Variants in DOCK4 observed in about 807,000 individuals in gnomAD.
DOCK4 encodes dedicator of cytokinesis 4.
DOCK4 carries 97 observed loss-of-function variants against 268.1 expected under a neutral mutation model. The observed-to-expected ratio is 0.36, with a 90% CI of 0.31 to 0.43. DOCK4 has a LOEUF of 0.43. Ranked by LOEUF, DOCK4 falls within the 20% of genes least tolerant of loss-of-function variation. The pLI is 1.00. For synonymous variants in DOCK4, 954 were observed against 887.2 expected (o/e 1.08, Z -1.34); for missense variants, 2,145 against 2,455.7 (o/e 0.87, Z 2.67).
chr7:111,736,206 C>G (rs1002058784), intron 50 of DOCK4, among the ~76,000 whole-genome samples: 1 of 152,200 alleles, frequency 6.6e-6, no homozygotes. Flanking sequence ...CTTTCCCAGA[C>G]TATTTCATTA....
At chr7:111,869,535 C>G in intron 21 of DOCK4, 39 bp downstream of exon 21, 1 of 1,594,834 alleles carries the variant, frequency 6.3e-7, no homozygotes, top group Non-Finnish European at 8.6e-7. Context: ...CATGCAACAG[C>G]TTTGTTAGAC....
At chr7:111,909,080 G>A (rs1467594436) in intron 13 of DOCK4, among the ~76,000 whole-genome samples, 1 of 152,146 alleles carries the variant, frequency 6.6e-6, no homozygotes. Context: ...GATCCTTGAA[G>A]AATCGCCACA....
intron 1 of DOCK4, among the ~76,000 whole-genome samples, chr7:112,175,939 A>T (rs1420145384): frequency 1.3e-5 from 2 of 152,220 alleles, no homozygotes; most frequent in East Asian, 3.8e-4. Context: ...AAAAAATCTC[A>T]GGGTGATCTA....
chr7:111,926,598 A>T (rs1177948452), intron 12 of DOCK4, among the ~76,000 whole-genome samples: 3 of 150,482 alleles, frequency 2.0e-5, no homozygotes, highest in Non-Finnish European at 2.9e-5. Flanking sequence ...CAAGGTGGGC[A>T]GATCACGAGG....
chr7:111,830,291 T>C lies in DOCK4; in HGVS notation c.2835+4297A>G, dbSNP rs148248741. Among the ~76,000 whole-genome samples, 391 of 152,208 alleles carry C rather than the reference T, an allele frequency of 2.6e-3. 5 individuals are homozygous for C. Among genetic ancestry groups the C allele is most frequent in the South Asian group, 0.022 (107 of 4,824 alleles). The stretch of plus-strand genomic sequence containing the variant: ...AATACAAAAAATCCGCCGGGCGTGG[T>C]GGCGCGTGCCTGTAGTCCCAGCTAC... On this transcript the variant is annotated intron_variant, in intron 26 of 52. Transcript: ENST00000428084.
chr7:112,058,034 T>A (rs1806002339), intron 1 of DOCK4, among the ~76,000 whole-genome samples: 1 of 147,178 alleles, frequency 6.8e-6, no homozygotes, highest in Non-Finnish European at 1.5e-5. Context: ...ATTTTTTTTT[T>A]TTTTTTTTTT....
chr7:111,928,357 A>T (rs1228256606), intron 12 of DOCK4, among the ~76,000 whole-genome samples: 2 of 152,198 alleles, frequency 1.3e-5, no homozygotes, highest in African/African-American at 4.8e-5. Context: ...TTAGCCATAC[A>T]TAGCTCATTT....
chr7:111,976,196 A>G (rs34995916), intron 8 of DOCK4, among the ~76,000 whole-genome samples: 4 of 89,384 alleles, frequency 4.5e-5, no homozygotes, highest in Admixed American at 4.1e-4. Flanking sequence ...ACACACGCAC[A>G]CACGCACATA....
chr7:112,042,204 G>A (rs996893793), intron 1 of DOCK4, among the ~76,000 whole-genome samples: 3 of 152,102 alleles, frequency 2.0e-5, no homozygotes, highest in Admixed American at 6.5e-5. Context: ...TCTGCAAGGC[G>A]ACAGAGTTAT....
chr7:112,108,361 G>A (rs1811321363), intron 1 of DOCK4, among the ~76,000 whole-genome samples: 1 of 152,150 alleles, frequency 6.6e-6, no homozygotes, highest in Admixed American at 6.5e-5. Flanking sequence ...AATAAAAAGT[G>A]ACTGATCTAA....
At position 111,760,210 on chromosome 7, in the gene DOCK4, T is replaced by A. The variant is rs751189672; in HGVS notation, c.4133A>T (p.Asp1378Val). 2 of 1,613,814 alleles carry A rather than the reference T, an allele frequency of 1.2e-6. No individual in the cohort carries two copies. Among genetic ancestry groups the A allele is most frequent in the Non-Finnish European group, 1.7e-6 (2 of 1,179,890 alleles). Residue 1378 changes from aspartate to valine, a missense_variant, in exon 40 of 53, where the codon GAT becomes GTT. Around this residue, in one of 2 missense-constraint regions of DOCK4, gnomAD observed 1,598 missense variants for 1,986.7 expected, o/e 0.80. Transcript: ENST00000428084. Reference sequence around the variant, plus strand: ...AGCTTCTGCCTGGAAGATGGTCTCATCGGGCTGGTTGGCGTGCTGCATGGC... The same window carrying A: ...AGCTTCTGCCTGGAAGATGGTCTCAACGGGCTGGTTGGCGTGCTGCATGGC... ...AIAMQHANQP[D>V]ETIFQAEAQY... is the part of the protein sequence containing the mutation.
At chr7:111,997,359 T>C (rs184816325) in intron 4 of DOCK4, among the ~76,000 whole-genome samples, 2 of 152,338 alleles carry the variant, frequency 1.3e-5, no homozygotes. Flanking sequence ...ATAATTACTA[T>C]TACTGAGTGC....
At chr7:112,077,724 T>G (rs1264929581) in intron 1 of DOCK4, among the ~76,000 whole-genome samples, 6 of 152,100 alleles carry the variant, frequency 3.9e-5, no homozygotes, top group Non-Finnish European at 7.4e-5. Context: ...ATGGCAATAT[T>G]CTAGGCTGAA....
At chr7:111,805,219 C>T (rs1309668445) in intron 30 of DOCK4, among the ~76,000 whole-genome samples, 4 of 152,168 alleles carry the variant, frequency 2.6e-5, no homozygotes, top group African/African-American at 9.7e-5. Flanking sequence ...AGCAGAGCCA[C>T]GGATTCATTC....
At chr7:111,937,214 G>T (rs1794814639) in intron 11 of DOCK4, among the ~76,000 whole-genome samples, 1 of 152,068 alleles carries the variant, frequency 6.6e-6, no homozygotes, top group Non-Finnish European at 1.5e-5. Context: ...AAGGGCTGGG[G>T]GTTCAGTCAC....
At chr7:111,858,006 A>G (rs1287094649) in intron 23 of DOCK4, among the ~76,000 whole-genome samples, 1 of 152,156 alleles carries the variant, frequency 6.6e-6, no homozygotes, top group African/African-American at 2.4e-5. Flanking sequence ...AGATTCCAAA[A>G]GTTATCTGTG....
Position 111,760,417 on chromosome 7 carries a change from G to A in DOCK4, c.4021-95C>T. 3 of 1,286,580 alleles carry A rather than the reference G, an allele frequency of 2.3e-6. No individual in the cohort carries two copies. The Admixed American group carries it at 6.1e-5, about 26-fold the overall frequency. The allele number at this position is 1,286,580 out of a possible 1,614,324, so 79.7% of individuals were successfully genotyped here. ...TGACACTGGCAGTAACTGACCACATGCCCCATACCAAGACACTATAACAAA... is the reference window on the plus strand; with the variant it reads ...TGACACTGGCAGTAACTGACCACATACCCCATACCAAGACACTATAACAAA... On this transcript the variant is annotated intron_variant, in intron 39 of 52. Transcript: ENST00000428084.
At position 111,834,604 on chromosome 7, in the gene DOCK4, G is replaced by C. The variant is rs1458509214; in HGVS notation, c.2819C>G (p.Thr940Arg). 1.6e-5 allele frequency: 25 copies of C among 1,548,264 alleles called. No individual in the cohort carries two copies. Among genetic ancestry groups the C allele is most frequent in the Non-Finnish European group, 2.1e-5 (24 of 1,145,724 alleles). Residue 940 changes from threonine to arginine, a missense_variant, in exon 26 of 53, where the codon ACA becomes AGA. By Grantham distance (71) the Thr-to-Arg change is moderately conservative. Coordinates refer to ENST00000428084, the MANE Select transcript of DOCK4 (RefSeq NM_001363540.2). ...HYQQLLDSFNTKEELRDFLLQ... is the reference protein window; with the variant it reads ...HYQQLLDSFNRKEELRDFLLQ... ...GTCACTTACCCTTAGTTCTTCCTTT[G>C]TATTAAAACTATCAAGAAGCTGTTG...
chr7:112,122,229 G>C (rs77899199), intron 1 of DOCK4, among the ~76,000 whole-genome samples: 10 of 152,102 alleles, frequency 6.6e-5, no homozygotes, highest in Non-Finnish European at 1.0e-4. Flanking sequence ...TAAGTGTACA[G>C]TTCAGTAGTG....
Sources: allele counts gnomAD v4.1 joint callset (sites outside exome capture counted in the v4.1 genomes callset), GRCh38; gene constraint gnomAD v4.1.1; regional missense constraint gnomAD v4.1.1; transcripts MANE v1.5; gene names NCBI Gene and HGNC (gene_info 2026-07-23, HGNC 2026-07-21).